The following LRP1B variants were observed in gnomAD, a reference collection of about 807,000 sequenced individuals.
LRP1B encodes low-density lipoprotein receptor-related protein 1B.
Under a neutral mutation model 556.6 loss-of-function variants are expected in LRP1B, and 217 were observed. The ratio of observed to expected loss-of-function variants is 0.39; its 90% CI spans 0.35 to 0.44. LRP1B has a LOEUF of 0.44. Among genes scored for constraint, LRP1B ranks in the 20% least tolerant of loss-of-function variants. The pLI is 1.00. For missense variants in LRP1B, 5,053 were observed against 5,620.8 expected (o/e 0.90, Z 3.23); for synonymous variants, 2,047 against 1,865.8 (o/e 1.10, Z -2.50).
intron 2 of LRP1B, among the ~76,000 whole-genome samples, chr2:141,690,396 A>AAT (rs762453747): frequency 2.3e-3 from 61 of 26,900 alleles, no homozygotes; most frequent in African/African-American, 6.1e-3. Flanking sequence ...TACATCTATA[A>AAT]ATATATATAT....
chr2:140,446,994 T>C (rs1558888533), intron 63 of LRP1B, among the ~76,000 whole-genome samples: 1 of 151,582 alleles, frequency 6.6e-6, no homozygotes. Flanking sequence ...CACTGAAAAA[T>C]GAGCTGAGGA....
chr2:141,283,806 AGGT>A (rs1277873903), intron 3 of LRP1B, among the ~76,000 whole-genome samples: 2 of 150,458 alleles, frequency 1.3e-5, no homozygotes, highest in Non-Finnish European at 3.0e-5. Flanking sequence ...ATCTTGGTCA[AGGT>A]GGGAGAGACA....
At chr2:141,647,784 T>C (rs1428766469) in intron 2 of LRP1B, among the ~76,000 whole-genome samples, 1 of 151,744 alleles carries the variant, frequency 6.6e-6, no homozygotes, top group Non-Finnish European at 1.5e-5. Context: ...CAGTCTAATA[T>C]TTTTGTTCAG....
intron 21 of LRP1B, among the ~76,000 whole-genome samples, chr2:140,918,087 A>T (rs2105249894): frequency 6.6e-6 from 1 of 152,200 alleles, no homozygotes; most frequent in African/African-American, 2.4e-5. Flanking sequence ...CTAAATATTT[A>T]AATATATGTA....
chr2:142,009,557 T>A (rs1702892676), intron 1 of LRP1B, among the ~76,000 whole-genome samples: 1 of 151,948 alleles, frequency 6.6e-6, no homozygotes, highest in Non-Finnish European at 1.5e-5. Context: ...CTGTTGTTTC[T>A]GCAAAACTTC....
intron 2 of LRP1B, among the ~76,000 whole-genome samples, chr2:141,524,821 G>C (rs540531107): frequency 3.0e-4 from 46 of 151,644 alleles, no homozygotes; most frequent in African/African-American, 1.1e-3. Flanking sequence ...GAGACAGAAA[G>C]GCAGAAATTA....
chr2:142,100,050 G>A (rs537174153), intron 1 of LRP1B, among the ~76,000 whole-genome samples: 8 of 151,874 alleles, frequency 5.3e-5, no homozygotes, highest in Admixed American at 5.3e-4. Flanking sequence ...CAATGCAAAT[G>A]TTGCCACAAT....
intron 3 of LRP1B, among the ~76,000 whole-genome samples, chr2:141,300,342 A>G (rs1686342645): frequency 6.6e-6 from 1 of 152,184 alleles, no homozygotes; most frequent in South Asian, 2.1e-4. Context: ...CCCTCGATTC[A>G]TAGTCAATTG....
At chr2:140,434,023 A>G (rs1686065103) in intron 66 of LRP1B, among the ~76,000 whole-genome samples, 1 of 151,788 alleles carries the variant, frequency 6.6e-6, no homozygotes, top group African/African-American at 2.4e-5. Context: ...CTCTATTTCT[A>G]TGGCCCTTGA....
intron 1 of LRP1B, among the ~76,000 whole-genome samples, chr2:141,996,224 AAAAAC>A (rs879059397): frequency 1.1e-3 from 111 of 101,436 alleles, no homozygotes; most frequent in East Asian, 1.6e-3. Flanking sequence ...AAAAAAAAAA[AAAAAC>A]GTTATAAGTG....
chr2:140,751,082 TC>T (rs1477859658), intron 35 of LRP1B, among the ~76,000 whole-genome samples: 2 of 145,168 alleles, frequency 1.4e-5, no homozygotes, highest in African/African-American at 5.1e-5. Context: ...AACTTCCACC[TC>T]CTGGGTTCAA....
intron 33 of LRP1B, among the ~76,000 whole-genome samples, chr2:140,775,322 A>G (rs1689454546): frequency 1.3e-5 from 2 of 151,960 alleles, no homozygotes; most frequent in Admixed American, 1.3e-4. Flanking sequence ...GCTTTAGTCT[A>G]CATACCCCAA....
At chr2:141,105,245 G>C (rs1216812704) in intron 7 of LRP1B, among the ~76,000 whole-genome samples, 3 of 151,918 alleles carry the variant, frequency 2.0e-5, no homozygotes, top group Non-Finnish European at 4.4e-5. Context: ...CAAATTATAT[G>C]GATTTTATAT....
chr2:140,379,397 T>G (rs999009257), intron 67 of LRP1B, among the ~76,000 whole-genome samples: 1 of 152,068 alleles, frequency 6.6e-6, no homozygotes, highest in African/African-American at 2.4e-5. Context: ...CATTCCTATA[T>G]AAAGAAACCC....
chr2:141,533,938 T>C (rs971307823), intron 2 of LRP1B, among the ~76,000 whole-genome samples: 2 of 152,184 alleles, frequency 1.3e-5, no homozygotes, highest in African/African-American at 4.8e-5. Flanking sequence ...TCCTAAATTT[T>C]CTCATTTAAC....
intron 1 of LRP1B, among the ~76,000 whole-genome samples, chr2:142,119,089 C>G (rs921758932): frequency 6.6e-6 from 1 of 152,108 alleles, no homozygotes; most frequent in Non-Finnish European, 1.5e-5. Flanking sequence ...TAGTTGAGAT[C>G]TTTTGCTTCA....
chr2:141,879,201 T>C (rs1356108612), intron 1 of LRP1B, among the ~76,000 whole-genome samples: 1 of 151,862 alleles, frequency 6.6e-6, no homozygotes, highest in Non-Finnish European at 1.5e-5. Flanking sequence ...GTAGGTATCA[T>C]ATTGTAAAAA....
chr2:140,255,093 A>G (rs1006578868), intron 86 of LRP1B, among the ~76,000 whole-genome samples: 1 of 152,196 alleles, frequency 6.6e-6, no homozygotes, highest in Non-Finnish European at 1.5e-5. Flanking sequence ...AAGCTTCAGT[A>G]TGAATTAACA....
intron 3 of LRP1B, among the ~76,000 whole-genome samples, chr2:141,388,475 TACTC>T (rs1045826090): frequency 2.0e-5 from 3 of 151,996 alleles, no homozygotes; most frequent in African/African-American, 7.2e-5. Context: ...AATTAAATAA[TACTC>T]AGAAACTAAG....
Sources: gnomAD v4.1 joint callset for allele counts (sites outside exome capture counted in the v4.1 genomes callset) on GRCh38, gnomAD v4.1.1 for gene constraint, MANE v1.5 for transcripts, NCBI Gene and HGNC (gene_info 2026-07-23, HGNC 2026-07-21) for gene names.